The following TMCO4 variants were observed in gnomAD, a reference collection of about 807,000 sequenced individuals.
TMCO4 encodes the protein transmembrane and coiled-coil domains 4.
A neutral mutation model predicts 64.7 loss-of-function variants in TMCO4; 58 were observed. That is an observed-to-expected ratio of 0.90 (90% CI 0.73 to 1.12). The LOEUF is 1.12. Among genes scored for constraint, TMCO4 ranks in the 50% most tolerant of loss-of-function variants. TMCO4 has a pLI of 0.00. For missense variants in TMCO4, 780 were observed against 825.9 expected (o/e 0.94, Z 0.68); for synonymous variants, 325 against 346.1 (o/e 0.94, Z 0.68).
chr1:19,772,559 C>A (rs1166105201), intron 4 of TMCO4, among the ~76,000 whole-genome samples: 2 of 152,162 alleles, frequency 1.3e-5, no homozygotes, highest in Non-Finnish European at 2.9e-5. Context: ...GACACAGCCA[C>A]CTCTGTGGAG....
At chr1:19,742,778 G>C (rs1266442) in intron 10 of TMCO4, among the ~76,000 whole-genome samples, 1 of 152,088 alleles carries the variant, frequency 6.6e-6, no homozygotes, top group Non-Finnish European at 1.5e-5. Context: ...GGGGATCACA[G>C]GAGATGCTGC....
At position 19,683,052 on chromosome 1, in the gene TMCO4, C is replaced by T. The variant is rs759357512; in HGVS notation, c.1893G>A (p.Thr631=). ...DCACKTQGPS[T]GLD Reference sequence around the variant, plus strand: ...TCCCCTGCTGTGGTCAGTCCAGCCCCGTGCTGGGGCCCTGGGTCTTGCAGG... The same window carrying T: ...TCCCCTGCTGTGGTCAGTCCAGCCCTGTGCTGGGGCCCTGGGTCTTGCAGG... Residue 631 remains threonine, a synonymous_variant, in exon 16 of 16, where the codon ACG becomes ACA. Transcript: ENST00000294543. 9.4e-6 allele frequency: 15 copies of T among 1,588,308 alleles called. No individual in the cohort carries two copies. The highest frequency in any genetic ancestry group is 8.1e-5 in the South Asian group (7 of 86,234).
At position 19,747,146 on chromosome 1, in the gene TMCO4, T is replaced by A; in HGVS notation, c.613+17A>T. 1 of 1,612,718 alleles carries A rather than the reference T, an allele frequency of 6.2e-7. No homozygotes were observed. The highest frequency in any genetic ancestry group is 8.5e-7 in the Non-Finnish European group (1 of 1,178,952). On this transcript the variant is annotated intron_variant, in intron 8 of 15. Transcript: ENST00000294543. ...TACAAAACCCAGACGTGTGCCACCA[T>A]CTCTAGCTGGACTCACCGATCACCG...
intron 13 of TMCO4, among the ~76,000 whole-genome samples, chr1:19,736,112 T>TA (rs1416851948): frequency 2.6e-5 from 4 of 152,230 alleles, no homozygotes; most frequent in African/African-American, 9.6e-5. Context: ...AATGATCAGT[T>TA]ATTGCTGCTT....
chr1:19,703,634 A>C (rs1570684565), intron 13 of TMCO4, among the ~76,000 whole-genome samples: 3 of 141,500 alleles, frequency 2.1e-5, no homozygotes, highest in Non-Finnish European at 1.5e-5. Context: ...TGCAAATTCC[A>C]CCCCCCAGGT....
chr1:19,695,198 C>T (rs2095228016), intron 14 of TMCO4, among the ~76,000 whole-genome samples: 1 of 152,216 alleles, frequency 6.6e-6, no homozygotes. Context: ...TGACCCCACT[C>T]CGTGAACCTG....
At chr1:19,757,516 T>G (rs2042319874) in intron 6 of TMCO4, among the ~76,000 whole-genome samples, 1 of 152,160 alleles carries the variant, frequency 6.6e-6, no homozygotes, top group Non-Finnish European at 1.5e-5. Flanking sequence ...AAGTCCCTTT[T>G]GCCATGTAGG....
chr1:19,728,783 C>T (rs1010010245), intron 13 of TMCO4, among the ~76,000 whole-genome samples: 5 of 152,200 alleles, frequency 3.3e-5, no homozygotes, highest in African/African-American at 1.2e-4. Context: ...CCCCACTCTG[C>T]CTTTCCATCA....
At position 19,683,251 on chromosome 1, in the gene TMCO4, G is replaced by A. The variant is rs1396978547; in HGVS notation, c.1694C>T (p.Pro565Leu). Residue 565 changes from proline (P) to leucine (L), a missense_variant, in exon 16 of 16, where the codon CCC (proline) becomes CTC (leucine). Physicochemically the swap from Pro to Leu is moderately conservative, Grantham distance 98 (BLOSUM62 -3). Transcript: ENST00000294543. ...CAATTTGGAGGTGTCTCCGGATATG[G>A]GACCCTGGGTTTGCCCAACCTGGTG... ...TPHQVGQTQG[P>L]ISGDTSKLAM... 6.2e-7 allele frequency: 1 copy of A among 1,614,218 alleles called. No homozygotes were observed. Among genetic ancestry groups the A allele is most frequent in the South Asian group, 1.1e-5 (1 of 91,084 alleles).
chr1:19,759,199 G>A (rs935967976), intron 6 of TMCO4, among the ~76,000 whole-genome samples: 1 of 148,030 alleles, frequency 6.8e-6, no homozygotes, highest in Non-Finnish European at 1.5e-5. Flanking sequence ...TCCCTGTCCC[G>A]ACATGTAACC....
intron 3 of TMCO4, among the ~76,000 whole-genome samples, chr1:19,782,949 T>C (rs2043560775): frequency 6.6e-6 from 1 of 152,184 alleles, no homozygotes; most frequent in Non-Finnish European, 1.5e-5. Context: ...GCTGTGTCAG[T>C]AGTAAAGGAC....
chr1:19,792,283 C>T (rs74058637), intron 2 of TMCO4, among the ~76,000 whole-genome samples: 6,600 of 152,238 alleles, frequency 0.043, 482 homozygotes, highest in African/African-American at 0.15. Flanking sequence ...CAGGGCAAAC[C>T]CATGCCTACA....
intron 7 of TMCO4, among the ~76,000 whole-genome samples, chr1:19,748,834 G>A (rs12125453): frequency 0.03 from 4,258 of 141,264 alleles, 206 homozygotes; most frequent in African/African-American, 0.1. Flanking sequence ...GAATGAATGA[G>A]TGAATGAATG....
rs992496108 is a variant in TMCO4 at position 19,770,570 on chromosome 1, C to A, written c.355-1G>T. The A allele has an allele frequency of 1.9e-6, 3 of 1,612,858 alleles. No individual in the cohort carries two copies. The African/African-American group carries it at 4.0e-5, about 22-fold the overall frequency. Reference sequence around the variant, plus strand: ...CCTTGAGTGAGAAGCTCAGAAGGTCCTGAGGGAGAAGACAACAGGCATCAA... The same window carrying A: ...CCTTGAGTGAGAAGCTCAGAAGGTCATGAGGGAGAAGACAACAGGCATCAA... On this transcript the variant is annotated splice_acceptor_variant, in intron 5 of 15. Coordinates refer to ENST00000294543, the MANE Select transcript of TMCO4 (RefSeq NM_181719.7). LOFTEE classifies it high-confidence loss of function.
chr1:19,770,400 C>T (rs185815845), intron 6 of TMCO4, 142 bp downstream of exon 6: 4 of 833,012 alleles, frequency 4.8e-6, no homozygotes, highest in Admixed American at 3.7e-5. Flanking sequence ...ACCAGCTCAC[C>T]AATGACATCA....
intron 13 of TMCO4, among the ~76,000 whole-genome samples, chr1:19,716,920 G>A (rs1474336954): frequency 6.6e-6 from 1 of 152,160 alleles, no homozygotes; most frequent in Non-Finnish European, 1.5e-5. Context: ...GGGCGCGGTG[G>A]CTCAAGCCTA....
chr1:19,777,258 T>C (rs1455151271), intron 4 of TMCO4, among the ~76,000 whole-genome samples: 2 of 151,930 alleles, frequency 1.3e-5, no homozygotes, highest in East Asian at 3.9e-4. Context: ...GGCCTTGTCC[T>C]GTGAGGGTGT....
chr1:19,740,549 C>T (rs1326642016), intron 11 of TMCO4, among the ~76,000 whole-genome samples: 2 of 152,162 alleles, frequency 1.3e-5, no homozygotes, highest in African/African-American at 4.8e-5. Context: ...TGGCTTGTCC[C>T]ACAGCAATAG....
At chr1:19,698,752 A>G (rs1013164566) in intron 14 of TMCO4, among the ~76,000 whole-genome samples, 15 of 152,192 alleles carry the variant, frequency 9.9e-5, no homozygotes, top group African/African-American at 3.6e-4. Flanking sequence ...CTCCATAAAG[A>G]GATGGCCCAG....
Sources: allele counts gnomAD v4.1 joint callset (sites outside exome capture counted in the v4.1 genomes callset), GRCh38; gene constraint gnomAD v4.1.1; transcripts MANE v1.5; gene names NCBI Gene and HGNC (gene_info 2026-07-23, HGNC 2026-07-21).